The following SNX2 variants were observed in gnomAD, a reference collection of about 807,000 sequenced individuals.
SNX2 encodes the protein sorting nexin 2.
A neutral mutation model predicts 69.9 loss-of-function variants in SNX2; 25 were observed. The observed-to-expected ratio is 0.36, with a 90% CI of 0.26 to 0.50. The LOEUF (loss-of-function observed/expected upper bound fraction) is 0.50, where lower values mean the gene tolerates loss of function less well. Among genes scored for constraint, SNX2 ranks in the 20% least tolerant of loss-of-function variants. The pLI is 0.97. For synonymous variants in SNX2, 229 were observed against 200.4 expected (o/e 1.14, Z -1.20); for missense variants, 551 against 613.3 (o/e 0.90, Z 1.07).
intron 7 of SNX2, among the ~76,000 whole-genome samples, chr5:122,813,375 G>A (rs1389460379): frequency 1.3e-5 from 2 of 151,940 alleles, no homozygotes; most frequent in Admixed American, 6.6e-5. Flanking sequence ...TTTAGTATAT[G>A]TATTAGCTTT....
Position 122,799,794 on chromosome 5 carries a change from C to T in SNX2, c.329C>T (p.Ala110Val). 1.2e-6 allele frequency: 2 copies of T among 1,613,422 alleles called. No homozygotes were observed. Among genetic ancestry groups the T allele is most frequent in the South Asian group, 2.2e-5 (2 of 91,038 alleles). ...VTPVTPTTLI[A>V]PRIESKSMSA... ...CCTGTCACTCCTACTACACTCATTGCTCCTAGAATTGAATCAAAGAGTATG... is the reference window on the plus strand; with the variant it reads ...CCTGTCACTCCTACTACACTCATTGTTCCTAGAATTGAATCAAAGAGTATG... The change falls in exon 3 of 15, where the codon GCT (alanine) becomes GTT (valine). Residue 110 changes from alanine (A) to valine (V), a missense_variant. Ala to Val is a moderately conservative substitution (Grantham distance 64). This residue lies in a region of SNX2 where 191 missense variants were observed against 162.9 expected (regional missense o/e 1.17). Transcript: ENST00000379516.
intron 6 of SNX2, among the ~76,000 whole-genome samples, chr5:122,806,142 G>GCGCACGCGCACACACACGCACACA: frequency 2.3e-5 from 3 of 130,656 alleles, no homozygotes. Flanking sequence ...ACACGCGCGC[G>GCGCACGCGCACACACACGCACACA]CACACACACA....
intron 1 of SNX2, among the ~76,000 whole-genome samples, chr5:122,784,696 T>A (rs79951994): frequency 6.6e-6 from 1 of 152,192 alleles, no homozygotes; most frequent in Admixed American, 6.5e-5. Context: ...CAGATATTTG[T>A]GTTTTCTTTT....
intron 1 of SNX2, among the ~76,000 whole-genome samples, chr5:122,793,406 C>A (rs1753289431): frequency 6.6e-6 from 1 of 151,884 alleles, no homozygotes; most frequent in South Asian, 2.1e-4. Context: ...TTATGAAGAG[C>A]AAAAATAGGA....
At chr5:122,781,373 G>A (rs1752977664) in intron 1 of SNX2, among the ~76,000 whole-genome samples, 1 of 152,156 alleles carries the variant, frequency 6.6e-6, no homozygotes, top group South Asian at 2.1e-4. Context: ...TATTGATTTA[G>A]TATTCCATTG....
chr5:122,810,398 TTAAAAAAAAA>T (rs779629931), intron 7 of SNX2, among the ~76,000 whole-genome samples: 4,259 of 59,886 alleles, frequency 0.071, 126 homozygotes, highest in East Asian at 0.078. Context: ...GAATGATCAA[TTAAAAAAAAA>T]AAAAAAAAAA....
At chr5:122,818,403 A>G (rs1451153742) in intron 10 of SNX2, among the ~76,000 whole-genome samples, 1 of 152,218 alleles carries the variant, frequency 6.6e-6, no homozygotes, top group Non-Finnish European at 1.5e-5. Flanking sequence ...TTAAAATTAT[A>G]GACATTATTT....
At chr5:122,777,037 G>A (rs543392169) in intron 1 of SNX2, among the ~76,000 whole-genome samples, 43 of 152,142 alleles carry the variant, frequency 2.8e-4, no homozygotes, top group African/African-American at 1.0e-3. Flanking sequence ...TGTAAAGTCA[G>A]ATTTTTTTTT....
intron 11 of SNX2, among the ~76,000 whole-genome samples, chr5:122,823,779 CGT>C (rs10559762): frequency 0.21 from 30,558 of 145,624 alleles, 3,408 homozygotes; most frequent in East Asian, 0.45. Flanking sequence ...AACATGTGGT[CGT>C]GTGTGTGTGT....
chr5:122,830,670 G>A lies in SNX2; in HGVS notation c.*1022G>A, dbSNP rs1163524855. ...CTTGGGCAATGTTTTTACCCATTCT[G>A]TATGCTACTTAGACAGCTGTTATCT... On this transcript the variant is annotated 3_prime_UTR_variant, in exon 15 of 15. Transcript: ENST00000379516. Among the ~76,000 whole-genome samples the A allele has an allele frequency of 6.6e-6, 1 of 152,092 alleles. No individual in the cohort carries two copies. Among genetic ancestry groups the A allele is most frequent in the African/African-American group, 2.4e-5 (1 of 41,404 alleles).
intron 11 of SNX2, among the ~76,000 whole-genome samples, chr5:122,821,354 T>C (rs1459193060): frequency 1.3e-5 from 2 of 152,088 alleles, no homozygotes; most frequent in Non-Finnish European, 2.9e-5. Flanking sequence ...CTCCCTCCCT[T>C]CCTTTCTCAA....
intron 1 of SNX2, among the ~76,000 whole-genome samples, chr5:122,780,491 G>A (rs1752953036): frequency 6.6e-6 from 1 of 152,058 alleles, no homozygotes; most frequent in South Asian, 2.1e-4. Flanking sequence ...TTGATAAAGA[G>A]GAACTGCGAG....
At chr5:122,806,134 A>ATGCGCGCGCGCGCACGCG (rs142218645) in intron 6 of SNX2, among the ~76,000 whole-genome samples, 2 of 121,374 alleles carry the variant, frequency 1.6e-5, no homozygotes, top group Admixed American at 7.9e-5. Context: ...ATATATACAC[A>ATGCGCGCGCGCGCACGCG]CGCGCGCGCA....
chr5:122,811,258 A>G (rs187856486), intron 7 of SNX2, among the ~76,000 whole-genome samples: 76 of 152,322 alleles, frequency 5.0e-4, no homozygotes, highest in Non-Finnish European at 8.5e-4. Flanking sequence ...ATACCCAAGT[A>G]TTCCCCTGTG....
At chr5:122,775,462 C>T (rs1318765786) in intron 1 of SNX2, 2 of 1,178,470 alleles carry the variant, frequency 1.7e-6, no homozygotes, top group East Asian at 7.8e-5. Flanking sequence ...CCGAACCGAG[C>T]ATTGCAGCGG....
Position 122,816,930 on chromosome 5 carries a change from AAT to A in SNX2, c.816_817del (p.Gln274GlyfsTer27). The A allele has an allele frequency of 6.2e-7, 1 of 1,610,868 alleles. No individual in the cohort carries two copies. The highest frequency in any genetic ancestry group is 8.5e-7 in the Non-Finnish European group (1 of 1,177,282). On this transcript the variant is annotated frameshift_variant, in exon 9 of 15. Transcript: ENST00000379516. LOFTEE classifies it high-confidence loss of function. ...LESSELPRAV[N>X]TQALSGAGIL... The stretch of plus-strand genomic sequence containing the variant: ...TCAATTCCAGCTGCCTAGAGCAGTT[AAT>A]ACACAGGCTCTGAGTGGAGCAGGAA...
chr5:122,810,579 G>T (rs963728475), intron 7 of SNX2, among the ~76,000 whole-genome samples: 17 of 151,994 alleles, frequency 1.1e-4, no homozygotes, highest in African/African-American at 3.6e-4. Flanking sequence ...AAGATTTACT[G>T]TACCAAGGAC....
In SNX2 at chr5:122,799,747, G is replaced by C. The variant is rs145834099; in HGVS notation, c.282G>C (p.Ser94=). Residue 94 remains serine, a synonymous_variant, in exon 3 of 15, where the codon TCG becomes TCC. Coordinates refer to ENST00000379516, the MANE Select transcript of SNX2 (RefSeq NM_003100.4). ...CTGAAAGGGAACCTATCCTATCCTC[G>C]GAACCTTCTCCTGCAGTCACACCTG... The part of the protein sequence containing the change: ...DSPEREPILS[S]EPSPAVTPVT... The C allele has an allele frequency of 1.2e-6, 2 of 1,613,676 alleles. No individual in the cohort carries two copies. Among genetic ancestry groups the C allele is most frequent in the South Asian group, 1.1e-5 (1 of 91,054 alleles).
At position 122,795,454 on chromosome 5, in the gene SNX2, AAAAC is replaced by A. The variant is rs1753356494; in HGVS notation, c.226+75_226+78del. The A allele has an allele frequency of 2.9e-6, 3 of 1,044,648 alleles. No individual in the cohort carries two copies. In the African/African-American group the frequency reaches 4.8e-5, roughly 17 times the overall value. The allele number at this position is 1,044,648 out of a possible 1,614,324, so 64.7% of individuals were successfully genotyped here. A position where few individuals can be genotyped will look rare whatever the true frequency, so the allele number is the denominator to read the frequency against. ...ATTTTCTATTAGATAGAAAATATCTAAAACAAAACTGAAATTCTGTGTAAAGTGT... is the reference window on the plus strand; with the variant it reads ...ATTTTCTATTAGATAGAAAATATCTAAAAACTGAAATTCTGTGTAAAGTGT... On this transcript the variant is annotated intron_variant, in intron 2 of 14. Transcript: ENST00000379516.
Sources: allele counts gnomAD v4.1 joint callset (sites outside exome capture counted in the v4.1 genomes callset), GRCh38; gene constraint gnomAD v4.1.1; regional missense constraint gnomAD v4.1.1; transcripts MANE v1.5; gene names NCBI Gene and HGNC (gene_info 2026-07-23, HGNC 2026-07-21).